The following GPI variants were observed in gnomAD, a reference collection of about 807,000 sequenced individuals.
GPI encodes the protein glucose-6-phosphate isomerase.
Under a neutral mutation model 75.8 loss-of-function variants are expected in GPI, and 56 were observed. The observed-to-expected ratio is 0.74, with a 90% CI of 0.60 to 0.92. GPI has a LOEUF of 0.92. Among genes scored for constraint, GPI ranks in the 40% least tolerant of loss-of-function variants. The probability of loss-of-function intolerance (pLI) is 0.00; values close to 1 mark genes in which losing one functional copy is unlikely to be tolerated. For missense variants in GPI, 638 were observed against 741.0 expected, an observed-to-expected ratio of 0.86 and a Z score of 1.61; for synonymous variants, 288 against 285.4, an observed-to-expected ratio of 1.01 and a Z score of -0.09.
intron 2 of GPI, 146 bp downstream of exon 2, chr19:34,366,581 T>C: frequency 1.3e-6 from 1 of 770,334 alleles, no homozygotes; most frequent in Non-Finnish European, 2.4e-6. Flanking sequence ...GAGGCACCTG[T>C]CCCTGGCTTA....
chr19:34,371,700 A>G (rs1287927307), intron 4 of GPI, among the ~76,000 whole-genome samples: 1 of 151,436 alleles, frequency 6.6e-6, no homozygotes, highest in East Asian at 2.0e-4. Flanking sequence ...AAAAAATACA[A>G]AAAAGTTAGC....
At chr19:34,396,691 C>T in intron 14 of GPI, 34 bp downstream of exon 14, 1 of 1,573,440 alleles carries the variant, frequency 6.4e-7, no homozygotes, top group Non-Finnish European at 8.7e-7. Context: ...TCTGGGGGGT[C>T]TGGCTCACAT....
rs1026298409 is a variant in GPI at position 34,400,160 on chromosome 19, C to T, written c.*124C>T. ...ACCCTCTGGTTGTGGGCTTGGACCA[C>T]GAGCCCTTAGCAGGGAAGGCTGGTC... On this transcript the variant is annotated 3_prime_UTR_variant, in exon 18 of 18. Transcript: ENST00000356487. 5.8e-6 allele frequency: 6 copies of T among 1,042,968 alleles called. No individual in the cohort carries two copies. The highest frequency in any genetic ancestry group is 2.6e-5 in the South Asian group (2 of 78,102). The allele number at this position is 1,042,968 out of a possible 1,614,324, so 64.6% of individuals were successfully genotyped here. A position where few individuals can be genotyped will look rare whatever the true frequency, so the allele number is the denominator to read the frequency against.
rs1171002874 is a variant in GPI at position 34,399,062 on chromosome 19, G to A, written c.1270-145G>A. The A allele has an allele frequency of 1.7e-5, 11 of 649,014 alleles. No individual in the cohort carries two copies. In the Admixed American group the frequency reaches 2.0e-4, roughly 12 times the overall value. The allele number at this position is 649,014 out of a possible 1,614,324, so 40.2% of individuals were successfully genotyped here. ...CTGTTCCCTGCCTTGTGGTGTCATC[G>A]GATGTGTCCCCCTCGCTCCAACTGA... is the stretch of plus-strand genomic sequence containing the variant. On this transcript the variant is annotated intron_variant, in intron 14 of 17. Coordinates refer to ENST00000356487, the MANE Select transcript of GPI (RefSeq NM_000175.5).
chr19:34,371,423 TA>T (rs1383482355), intron 4 of GPI, among the ~76,000 whole-genome samples: 18 of 152,290 alleles, frequency 1.2e-4, no homozygotes, highest in African/African-American at 4.1e-4. Flanking sequence ...CAATAGGGAT[TA>T]GGGAGCTATA....
rs1218250407 is a variant in GPI at position 34,366,332 on chromosome 19, C to G, written c.123-13C>G. 3 of 1,561,402 alleles carry G rather than the reference C, an allele frequency of 1.9e-6. No homozygotes were observed. The highest frequency in any genetic ancestry group is 1.7e-5 in the Admixed American group (1 of 59,938). The stretch of plus-strand genomic sequence containing the variant: ...ACCAGGGTGTGGTCAGCAGCATCTC[C>G]ATCTTTCTGCAGCTTGACCCTCAAC... On this transcript the variant is annotated splice_polypyrimidine_tract_variant and intron_variant, in intron 1 of 17. Transcript: ENST00000356487.
intron 9 of GPI, among the ~76,000 whole-genome samples, chr19:34,389,321 G>A (rs935179153): frequency 5.9e-5 from 9 of 152,076 alleles, no homozygotes; most frequent in African/African-American, 1.7e-4. Flanking sequence ...TCCATCTCCG[G>A]GGCTTCAAAG....
At position 34,370,571 on chromosome 19, in the gene GPI, A is replaced by G. The variant is rs369550987; in HGVS notation, c.402+1869A>G. On this transcript the variant is annotated intron_variant, in intron 4 of 17. Coordinates refer to ENST00000356487, the MANE Select transcript of GPI (RefSeq NM_000175.5). The stretch of plus-strand genomic sequence containing the variant: ...CCGTCTGTACTAAAAATACAAAAAA[A>G]TTACCTGGGCGGGCATGGTGGCGAG... 3.2e-3 allele frequency among the ~76,000 whole-genome samples: 488 copies of G among 152,154 alleles called. 3 individuals are homozygous for G. Among genetic ancestry groups the G allele is most frequent in the South Asian group, 0.011 (54 of 4,822 alleles).
chr19:34,379,761 G>A (rs2074613286), intron 8 of GPI, 199 bp downstream of exon 8: 3 of 677,192 alleles, frequency 4.4e-6, no homozygotes, highest in Non-Finnish European at 8.1e-6. Flanking sequence ...CTTTGAGGAG[G>A]GAGGCTTGGA....
chr19:34,360,530 C>T (rs185331320), upstream of GPI, among the ~76,000 whole-genome samples: 3 of 152,228 alleles, frequency 2.0e-5, no homozygotes, highest in East Asian at 5.8e-4. Flanking sequence ...GCCCAGAGTT[C>T]AAGGCTGCAG....
At chr19:34,366,746 G>A (rs758226244) in intron 2 of GPI, 37 bp from the exon 3 acceptor site, 1 of 1,503,768 alleles carries the variant, frequency 6.6e-7, no homozygotes, top group Admixed American at 1.7e-5. Context: ...GGTGGCCAGT[G>A]TGGGTGGGAC....
intron 4 of GPI, among the ~76,000 whole-genome samples, chr19:34,374,681 A>G (rs2074506273): frequency 6.6e-6 from 1 of 151,848 alleles, no homozygotes; most frequent in African/African-American, 2.4e-5. Context: ...GATGACTGGT[A>G]TGTATGGGAT....
At chr19:34,399,041 T>G in intron 14 of GPI, 166 bp from the exon 15 acceptor site, 1 of 584,792 alleles carries the variant, frequency 1.7e-6, no homozygotes, top group Non-Finnish European at 3.0e-6. Flanking sequence ...TTATCACTGT[T>G]CCCTGCCTTG....
intron 1 of GPI, chr19:34,365,806 G>A: frequency 2.1e-6 from 1 of 471,178 alleles, no homozygotes; most frequent in Non-Finnish European, 4.2e-6. Context: ...AGGGCGGGCA[G>A]CCCGGGCGGG....
At chr19:34,364,402 G>C (rs1253658019), upstream of GPI, among the ~76,000 whole-genome samples, 1 of 144,084 alleles carries the variant, frequency 6.9e-6, no homozygotes, top group South Asian at 2.2e-4. Context: ...TTTTTTTTGA[G>C]ATGGAGTCTC....
At chr19:34,383,150 A>G (rs1314171234) in intron 9 of GPI, among the ~76,000 whole-genome samples, 2 of 152,088 alleles carry the variant, frequency 1.3e-5, no homozygotes, top group African/African-American at 4.8e-5. Flanking sequence ...GGGATCAGGC[A>G]GGGGTGTGGT....
At position 34,393,179 on chromosome 19, in the gene GPI, G is replaced by C; in HGVS notation, c.805-69G>C. ...CGCCCCTGTGCAAGACCAGGGACAGGGTTTCCGGCAGGAGGTGGGGGGCGG... is the reference window on the plus strand; with the variant it reads ...CGCCCCTGTGCAAGACCAGGGACAGCGTTTCCGGCAGGAGGTGGGGGGCGG... On this transcript the variant is annotated intron_variant, in intron 9 of 17. Transcript: ENST00000356487. This position sits in a 1 kb window ranked among gnomAD's most constrained non-coding sequence, Gnocchi z 4.4. The C allele has an allele frequency of 8.0e-7, 1 of 1,248,086 alleles. No homozygotes were observed. The highest frequency in any genetic ancestry group is 1.2e-5 in the South Asian group (1 of 83,864). The allele number at this position is 1,248,086 out of a possible 1,614,324, so 77.3% of individuals were successfully genotyped here. A position where few individuals can be genotyped will look rare whatever the true frequency, so the allele number is the denominator to read the frequency against.
intron 9 of GPI, among the ~76,000 whole-genome samples, chr19:34,390,419 G>A (rs1478551987): frequency 6.6e-6 from 1 of 152,148 alleles, no homozygotes; most frequent in Non-Finnish European, 1.5e-5. Flanking sequence ...GCACCGGTAA[G>A]GGGCTCTGGG....
upstream of GPI, among the ~76,000 whole-genome samples, chr19:34,361,913 G>A (rs1422936954): frequency 6.6e-6 from 1 of 151,912 alleles, no homozygotes; most frequent in Non-Finnish European, 1.5e-5. Flanking sequence ...TCAGGAGATC[G>A]AGACCATCCT....
Sources: allele counts gnomAD v4.1 joint callset (sites outside exome capture counted in the v4.1 genomes callset), GRCh38; gene constraint gnomAD v4.1.1; non-coding constraint Gnocchi (gnomAD v3.1); transcripts MANE v1.5; gene names NCBI Gene and HGNC (gene_info 2026-07-23, HGNC 2026-07-21).